Variants in RGS4 observed in about 807,000 individuals in gnomAD.
RGS4 encodes schizophrenia disorder 9.
Under a neutral mutation model 21.6 loss-of-function variants are expected in RGS4, and 15 were observed. The observed-to-expected ratio is 0.69, with a 90% CI of 0.46 to 1.07. The LOEUF is 1.07. RGS4 is among the 50% of genes least tolerant of loss of function. RGS4 has a pLI of 0.00. For synonymous variants in RGS4, 94 were observed against 85.5 expected, an observed-to-expected ratio of 1.10 and a Z score of -0.55; for missense variants, 237 against 239.0, an observed-to-expected ratio of 0.99 and a Z score of 0.06.
rs542378827 is a variant in RGS4, at chr1:163,076,226, C to T, written c.*1666C>T. 13 of 152,688 alleles carry T rather than the reference C, an allele frequency of 8.5e-5. No homozygotes were observed. In the South Asian group the frequency reaches 2.7e-3, roughly 32 times the overall value. The allele number at this position is 152,688 out of a possible 1,614,324, so 9.5% of individuals were successfully genotyped here. Reference sequence around the variant, plus strand: ...GTCCACATACACTGCATTCGTTGCTCCAGTATAAATTACATGCATGAGCAC... The same window carrying T: ...GTCCACATACACTGCATTCGTTGCTTCAGTATAAATTACATGCATGAGCAC... On this transcript the variant is annotated 3_prime_UTR_variant, in exon 5 of 5. Transcript: ENST00000367909.
In RGS4 at chr1:163,069,547, A is replaced by G. The variant is rs775055123; in HGVS notation, c.44+19A>G. On this transcript the variant is annotated intron_variant, in intron 1 of 4. Transcript: ENST00000367909. ...TGAGGAGGTAAGATTGCTTTCAGCC[A>G]TTAACCATATTAAACTTTTGGCTAG... The G allele has an allele frequency of 2.1e-5, 34 of 1,597,194 alleles. No individual in the cohort carries two copies. The highest frequency in any genetic ancestry group is 1.8e-4 in the South Asian group (16 of 90,456).
In RGS4 at chr1:163,072,502, A is replaced by G. The variant is rs753939198; in HGVS notation, c.149+3A>G. The G allele has an allele frequency of 4.4e-6, 7 of 1,578,692 alleles. No homozygotes were observed. The highest frequency in any genetic ancestry group is 4.5e-5 in the East Asian group (2 of 44,542). Reference sequence around the variant, plus strand: ...GACAAAGTGGTTATTTGCCAGAGGTAAGAGAAAAGGCCTTGGTGAAGATGT... The same window carrying G: ...GACAAAGTGGTTATTTGCCAGAGGTGAGAGAAAAGGCCTTGGTGAAGATGT... On this transcript the variant is annotated splice_donor_region_variant and intron_variant, in intron 2 of 4. Transcript: ENST00000367909.
intron 1 of RGS4, 161 bp from the exon 2 acceptor site, chr1:163,072,234 A>G: frequency 2.3e-6 from 2 of 882,862 alleles, no homozygotes; most frequent in South Asian, 2.4e-5. Flanking sequence ...GGGAACCAAG[A>G]GGAATCTTGT....
chr1:163,071,126 T>C (rs1367358771), intron 1 of RGS4, among the ~76,000 whole-genome samples: 1 of 152,194 alleles, frequency 6.6e-6, no homozygotes, highest in East Asian at 1.9e-4. Context: ...CTTCATGATA[T>C]ATTTACATTA....
rs1433572630 is a variant in RGS4, at chr1:163,072,519, T to C, written c.149+20T>C. ...CCAGAGGTAAGAGAAAAGGCCTTGG[T>C]GAAGATGTACTTAGTATTAACTATC... On this transcript the variant is annotated intron_variant, in intron 2 of 4. Coordinates refer to ENST00000367909, the MANE Select transcript of RGS4 (RefSeq NM_005613.6). 5 of 1,499,116 alleles carry C rather than the reference T, an allele frequency of 3.3e-6. No homozygotes were observed. Among genetic ancestry groups the C allele is most frequent in the Non-Finnish European group, 2.8e-6 (3 of 1,076,368 alleles). 92.9% of individuals were successfully genotyped at this position (1,499,116 alleles called of 1,614,324 possible).
chr1:163,071,940 G>T (rs772529171), intron 1 of RGS4: 2 of 972,582 alleles, frequency 2.1e-6, no homozygotes, highest in East Asian at 1.2e-4. Context: ...CCCTCTGCCA[G>T]CAGGGGAACA....
intron 4 of RGS4, chr1:163,073,835 A>G (rs1425635031): frequency 2.1e-6 from 1 of 481,558 alleles, no homozygotes; most frequent in East Asian, 3.4e-5. Flanking sequence ...ATATCACCCT[A>G]ATGTGCTATC....
At chr1:163,071,786 C>G (rs1655312420) in intron 1 of RGS4, 1 of 147,184 alleles carries the variant, frequency 6.8e-6, no homozygotes, top group Non-Finnish European at 1.5e-5. Context: ...ATCCCATGCT[C>G]CATTTCCCTC....
rs1043304680 is a variant in RGS4 at position 163,076,252 on chromosome 1, C to A, written c.*1692C>A. ...CAGTATAAATTACATGCATGAGCAC[C>A]TTTCTGGCTTTTAAGCCAATATAAT... On this transcript the variant is annotated 3_prime_UTR_variant, in exon 5 of 5. Transcript: ENST00000367909. 2 of 152,574 alleles carry A rather than the reference C, an allele frequency of 1.3e-5. No individual in the cohort carries two copies. The highest frequency in any genetic ancestry group is 4.8e-5 in the African/African-American group (2 of 41,448). The allele number at this position is 152,574 out of a possible 1,614,324, so 9.5% of individuals were successfully genotyped here. A position where few individuals can be genotyped will look rare whatever the true frequency, so the allele number is the denominator to read the frequency against.
Position 163,074,683 on chromosome 1 carries a change from C to T in RGS4, c.*123C>T, listed in dbSNP as rs902462176. ...ACATTGTAGCCTAATATTCATGCTG[C>T]CTGCCATGTGTGAGTCACTTCTACG... On this transcript the variant is annotated 3_prime_UTR_variant, in exon 5 of 5. Transcript: ENST00000367909. The T allele has an allele frequency of 7.2e-7, 1 of 1,395,350 alleles. No homozygotes were observed. Among genetic ancestry groups the T allele is most frequent in the Admixed American group, 1.7e-5 (1 of 58,268 alleles). 86.4% of individuals were successfully genotyped at this position (1,395,350 alleles called of 1,614,324 possible).
At chr1:163,074,286 A>G in intron 4 of RGS4, 35 bp from the exon 5 acceptor site, 1 of 1,612,372 alleles carries the variant, frequency 6.2e-7, no homozygotes, top group East Asian at 2.2e-5. Flanking sequence ...CAACAGGGAT[A>G]TAGGTCTAAT....
intron 4 of RGS4, 192 bp from the exon 5 acceptor site, chr1:163,074,129 C>T (rs1571163146): frequency 1.5e-6 from 1 of 662,444 alleles, no homozygotes; most frequent in Admixed American, 2.8e-5. Flanking sequence ...CCTGCTCTCT[C>T]TAAAGCAGAA....
rs1386081578 is a variant in RGS4 at position 163,073,600 on chromosome 1, T to A, written c.356T>A (p.Ile119Asn). Reference protein sequence around the residue: ...PKAKKIYNEFISVQATKEVNL... With the variant: ...PKAKKIYNEFNSVQATKEVNL... ...GCCAAAAAGATCTATAATGAATTCA[T>A]CTCAGTCCAGGCAACCAAAGAGGTA... Residue 119 changes from isoleucine to asparagine, a missense_variant, in exon 4 of 5, where the codon ATC becomes AAC. Coordinates refer to ENST00000367909, the MANE Select transcript of RGS4 (RefSeq NM_005613.6). The A allele has an allele frequency of 6.2e-7, 1 of 1,602,972 alleles. No homozygotes were observed. Among genetic ancestry groups the A allele is most frequent in the East Asian group, 2.2e-5 (1 of 44,626 alleles).
At chr1:163,069,830 A>T (rs1268218891) in intron 1 of RGS4, among the ~76,000 whole-genome samples, 1 of 152,170 alleles carries the variant, frequency 6.6e-6, no homozygotes, top group Admixed American at 6.6e-5. Context: ...GGCTATGTAC[A>T]GTGATCTGTA....
intron 1 of RGS4, among the ~76,000 whole-genome samples, chr1:163,071,701 A>AAGC (rs1379317281): frequency 6.6e-6 from 1 of 151,934 alleles, no homozygotes; most frequent in African/African-American, 2.4e-5. Context: ...TTAAGAAGGA[A>AAGC]AGCAGCAGCA....
chr1:163,074,397 C>A lies in RGS4; in HGVS notation c.455C>A (p.Ala152Asp). ...LEPTITCFDE[A>D]QKKIFNLMEK... ...CCTACAATAACCTGCTTTGATGAGG[C>A]CCAGAAGAAGATTTTCAACCTGATG... The change falls in exon 5 of 5, where the codon GCC becomes GAC. Residue 152 changes from alanine to aspartate, a missense_variant. Physicochemically the swap from Ala to Asp is moderately radical, Grantham distance 126. Coordinates refer to ENST00000367909, the MANE Select transcript of RGS4 (RefSeq NM_005613.6). 1 of 1,613,868 alleles carries A rather than the reference C, an allele frequency of 6.2e-7. No individual in the cohort carries two copies. The highest frequency in any genetic ancestry group is 8.5e-7 in the Non-Finnish European group (1 of 1,179,840).
chr1:163,072,694 G>C, intron 2 of RGS4, 111 bp from the exon 3 acceptor site: 1 of 995,188 alleles, frequency 1.0e-6, no homozygotes, highest in Non-Finnish European at 1.5e-6. Context: ...AACATATTTT[G>C]TCATAACGAT....
intron 3 of RGS4, 119 bp from the exon 4 acceptor site, chr1:163,073,336 GA>G: frequency 1.6e-5 from 13 of 812,442 alleles, no homozygotes; most frequent in South Asian, 5.2e-5. Flanking sequence ...AAAAGCAGGG[GA>G]AAAAGGGATT....
chr1:163,076,562 C>T lies in RGS4; in HGVS notation c.*2002C>T, dbSNP rs964137798. On this transcript the variant is annotated 3_prime_UTR_variant, in exon 5 of 5. Transcript: ENST00000367909. ...TTACTAATAGGTCTGGAAGGTCACG[C>T]TGAATGAGAAGTAAATTATTTTATG... The T allele has an allele frequency of 6.6e-6, 1 of 152,546 alleles. No individual in the cohort carries two copies. Among genetic ancestry groups the T allele is most frequent in the Non-Finnish European group, 1.5e-5 (1 of 68,024 alleles). 9.4% of individuals were successfully genotyped at this position (152,546 alleles called of 1,614,324 possible). A position where few individuals can be genotyped will look rare whatever the true frequency, so the allele number is the denominator to read the frequency against.
Sources: gnomAD v4.1 joint callset for allele counts (sites outside exome capture counted in the v4.1 genomes callset) on GRCh38, gnomAD v4.1.1 for gene constraint, MANE v1.5 for transcripts, NCBI Gene and HGNC (gene_info 2026-07-23, HGNC 2026-07-21) for gene names.